Variants in LMO1 observed in about 807,000 individuals in gnomAD.
LMO1 encodes rhombotin-1.
LMO1 carries 10 observed loss-of-function variants against 18.0 expected under a neutral mutation model. The observed-to-expected ratio is 0.55, with a 90% CI of 0.34 to 0.94. LMO1 has a LOEUF of 0.94. LMO1 is among the 40% of genes least tolerant of loss of function. The probability of loss-of-function intolerance (pLI) is 0.02; values close to 1 mark genes in which losing one functional copy is unlikely to be tolerated. For missense variants in LMO1, 183 were observed against 205.7 expected, an observed-to-expected ratio of 0.89 and a Z score of 0.68; for synonymous variants, 77 against 77.9, an observed-to-expected ratio of 0.99 and a Z score of 0.06.
chr11:8,263,013 A>T (rs1399181723), intron 1 of LMO1, among the ~76,000 whole-genome samples: 24 of 151,980 alleles, frequency 1.6e-4, no homozygotes. Context: ...CGCGGCGCGG[A>T]GATCGCAAGG....
chr11:8,254,494 A>G (rs1847056215), intron 1 of LMO1, among the ~76,000 whole-genome samples: 1 of 152,234 alleles, frequency 6.6e-6, no homozygotes, highest in African/African-American at 2.4e-5. Context: ...ATCTGCATAT[A>G]TGCTCAGGTC....
intron 1 of LMO1, among the ~76,000 whole-genome samples, chr11:8,239,731 G>A (rs556740769): frequency 6.6e-6 from 1 of 152,308 alleles, no homozygotes; most frequent in African/African-American, 2.4e-5. Context: ...AGAGGGGCCT[G>A]GTTCAGGGTG....
chr11:8,235,462 A>G (rs1952746290), intron 1 of LMO1, among the ~76,000 whole-genome samples: 1 of 152,244 alleles, frequency 6.6e-6, no homozygotes, highest in Non-Finnish European at 1.5e-5. Context: ...TTACATAACC[A>G]CAGTATAATA....
chr11:8,249,505 G>A (rs1846951922), intron 1 of LMO1, among the ~76,000 whole-genome samples: 1 of 152,174 alleles, frequency 6.6e-6, no homozygotes, highest in Non-Finnish European at 1.5e-5. Flanking sequence ...TGTACACATG[G>A]ACATAAAGAT....
chr11:8,237,211 G>A (rs968562560), intron 1 of LMO1, among the ~76,000 whole-genome samples: 2 of 152,048 alleles, frequency 1.3e-5, no homozygotes, highest in Admixed American at 6.5e-5. Flanking sequence ...ACCTTGTAAG[G>A]TGCTTTGCCT....
At position 8,263,429 on chromosome 11, in the gene LMO1, T is replaced by G. The variant is rs574789530; in HGVS notation, c.-67A>C. 1.3e-5 allele frequency: 20 copies of G among 1,586,208 alleles called. No individual in the cohort carries two copies. Among genetic ancestry groups the G allele is most frequent in the Non-Finnish European group, 1.5e-5 (18 of 1,172,064 alleles). ...AGAAGGGCGCCGACTCGGGGCGCGC[T>G]TTGGAGGGGCGGCCGGTCTTCGGGC... On this transcript the variant is annotated 5_prime_UTR_variant, in exon 1 of 4. Coordinates refer to ENST00000335790, the MANE Select transcript of LMO1 (RefSeq NM_002315.3).
At chr11:8,262,058 C>T (rs1189525822) in intron 1 of LMO1, among the ~76,000 whole-genome samples, 1 of 152,184 alleles carries the variant, frequency 6.6e-6, no homozygotes, top group Non-Finnish European at 1.5e-5. Flanking sequence ...CTGGCAGCGG[C>T]AATGCGAACA....
intron 2 of LMO1, among the ~76,000 whole-genome samples, chr11:8,228,281 G>T (rs146514644): frequency 6.6e-6 from 1 of 152,226 alleles, no homozygotes; most frequent in Non-Finnish European, 1.5e-5. Context: ...AGCCATCCCG[G>T]CTCCTCCTTG....
At chr11:8,229,308 G>T (rs1257557173) in intron 2 of LMO1, among the ~76,000 whole-genome samples, 2 of 152,192 alleles carry the variant, frequency 1.3e-5, no homozygotes, top group East Asian at 3.8e-4. Context: ...GTTAAAAGGG[G>T]CAGGCAGGTC....
chr11:8,239,706 C>T (rs898192612), intron 1 of LMO1, among the ~76,000 whole-genome samples: 4 of 152,158 alleles, frequency 2.6e-5, no homozygotes, highest in Non-Finnish European at 5.9e-5. Context: ...ACATTTGGAG[C>T]TGAAGAAGTC....
intron 1 of LMO1, among the ~76,000 whole-genome samples, chr11:8,247,773 A>C (rs404989): frequency 0.34 from 51,620 of 152,120 alleles, 8,790 homozygotes; most frequent in East Asian, 0.39. Context: ...CTGTCTTGGG[A>C]AGCTGCCCCT....
intron 1 of LMO1, among the ~76,000 whole-genome samples, chr11:8,240,647 G>A (rs1454559428): frequency 1.3e-5 from 2 of 151,990 alleles, no homozygotes; most frequent in Non-Finnish European, 2.9e-5. Flanking sequence ...GTGGCAGAAG[G>A]GGCAAGGGAG....
intron 1 of LMO1, among the ~76,000 whole-genome samples, chr11:8,231,645 G>T (rs116277530): frequency 6.6e-6 from 1 of 152,256 alleles, no homozygotes; most frequent in African/African-American, 2.4e-5. Context: ...TGACCAAGGC[G>T]CAGCTGGATA....
chr11:8,247,529 C>T (rs961463575), intron 1 of LMO1, among the ~76,000 whole-genome samples: 1 of 152,188 alleles, frequency 6.6e-6, no homozygotes, highest in African/African-American at 2.4e-5. Flanking sequence ...CATTTGCCTG[C>T]CCCAGAGTTG....
chr11:8,245,796 T>G (rs1468141490), intron 1 of LMO1, among the ~76,000 whole-genome samples: 1 of 152,228 alleles, frequency 6.6e-6, no homozygotes, highest in East Asian at 1.9e-4. Context: ...AAGACATAGC[T>G]GAGGCTGGGT....
intron 1 of LMO1, among the ~76,000 whole-genome samples, chr11:8,262,725 C>A (rs1196244539): frequency 5.3e-5 from 8 of 152,200 alleles, no homozygotes; most frequent in Admixed American, 5.2e-4. Flanking sequence ...AGGGAGCTAG[C>A]GGGCCGGCAC....
chr11:8,230,859 G>A (rs1952645944), intron 1 of LMO1, among the ~76,000 whole-genome samples: 1 of 152,212 alleles, frequency 6.6e-6, no homozygotes, highest in East Asian at 1.9e-4. Context: ...GTCTTGTGAA[G>A]CCACCATCAC....
chr11:8,260,584 A>AT (rs34722553), intron 1 of LMO1, among the ~76,000 whole-genome samples: 3 of 151,498 alleles, frequency 2.0e-5, no homozygotes, highest in East Asian at 3.9e-4. Flanking sequence ...GCAAAAAAAA[A>AT]TTTTTTTTTT....
chr11:8,258,108 T>C (rs1847127588), intron 1 of LMO1, among the ~76,000 whole-genome samples: 1 of 152,178 alleles, frequency 6.6e-6, no homozygotes, highest in Non-Finnish European at 1.5e-5. Context: ...ACAGTGGACA[T>C]ATTGGACCTA....
Sources: allele counts gnomAD v4.1 joint callset (sites outside exome capture counted in the v4.1 genomes callset), GRCh38; gene constraint gnomAD v4.1.1; transcripts MANE v1.5; gene names NCBI Gene and HGNC (gene_info 2026-07-23, HGNC 2026-07-21).